Variants in CYP3A43 observed in about 807,000 individuals in gnomAD.
CYP3A43 encodes cytochrome P450 3A43.
In CYP3A43, 45 loss-of-function variants were observed where a neutral mutation model predicts 58.0. The observed-to-expected ratio is 0.78, with a 90% confidence interval of 0.61 to 0.99. The LOEUF is 0.99. Among genes scored for constraint, CYP3A43 ranks in the 50% least tolerant of loss-of-function variants. CYP3A43 has a pLI of 0.00. For missense variants in CYP3A43, 593 were observed against 591.9 expected, an observed-to-expected ratio of 1.00 and a Z score of -0.02; for synonymous variants, 191 against 201.4, an observed-to-expected ratio of 0.95 and a Z score of 0.44.
At chr7:99,864,351 T>C (rs927738113) in intron 12 of CYP3A43, among the ~76,000 whole-genome samples, 2 of 148,934 alleles carry the variant, frequency 1.3e-5, no homozygotes, top group Non-Finnish European at 2.9e-5. Context: ...GGAGCACTGC[T>C]TCGCTGCTTC....
At chr7:99,844,957 T>C (rs1014955034) in intron 4 of CYP3A43, among the ~76,000 whole-genome samples, 2 of 151,708 alleles carry the variant, frequency 1.3e-5, no homozygotes, top group East Asian at 1.9e-4. Context: ...TAGTCCCAGC[T>C]ACTCGGGAGG....
At chr7:99,832,862 G>A (rs1816904884) in intron 1 of CYP3A43, among the ~76,000 whole-genome samples, 1 of 152,130 alleles carries the variant, frequency 6.6e-6, no homozygotes, top group Admixed American at 6.5e-5. Flanking sequence ...ATGGAGAACT[G>A]TGAGTCAATT....
At chr7:99,836,200 CT>C (rs2151592135) in intron 1 of CYP3A43, among the ~76,000 whole-genome samples, 1 of 152,290 alleles carries the variant, frequency 6.6e-6, no homozygotes, top group African/African-American at 2.4e-5. Context: ...AGGCTCAGTC[CT>C]TTGGATGTTA....
intron 1 of CYP3A43, among the ~76,000 whole-genome samples, chr7:99,829,318 A>G (rs947042160): frequency 6.6e-6 from 1 of 152,224 alleles, no homozygotes; most frequent in Non-Finnish European, 1.5e-5. Context: ...TGGGCCAAAT[A>G]TGAGTGACCA....
At chr7:99,829,487 A>G (rs1816754504) in intron 1 of CYP3A43, among the ~76,000 whole-genome samples, 1 of 152,176 alleles carries the variant, frequency 6.6e-6, no homozygotes, top group Admixed American at 6.5e-5. Flanking sequence ...TTTTTGCAGA[A>G]TTCTTTGTGA....
chr7:99,862,230 A>G (rs1032627887), intron 11 of CYP3A43, among the ~76,000 whole-genome samples: 8 of 152,208 alleles, frequency 5.3e-5, no homozygotes, highest in Admixed American at 5.2e-4. Context: ...TGAGTATATA[A>G]GCTTGTTATT....
intron 7 of CYP3A43, among the ~76,000 whole-genome samples, chr7:99,855,195 G>A (rs916399503): frequency 1.3e-5 from 2 of 152,148 alleles, no homozygotes; most frequent in East Asian, 1.9e-4. Context: ...GGTAGTTGAA[G>A]GACATTTGCC....
intron 3 of CYP3A43, chr7:99,839,388 A>G: frequency 1.4e-6 from 1 of 705,612 alleles, no homozygotes; most frequent in South Asian, 1.5e-5. Flanking sequence ...CATATTCAGT[A>G]TGTGAACAAA....
intron 9 of CYP3A43, 74 bp downstream of exon 9, chr7:99,856,973 A>G (rs891914441): frequency 2.0e-6 from 3 of 1,501,968 alleles, no homozygotes; most frequent in African/African-American, 2.8e-5. Context: ...AAATGTGCAG[A>G]AAGTTTTCCA....
rs116373543 is a variant in CYP3A43, at chr7:99,859,733, C to T, written c.866-97C>T. ...TCTGAATTGCTTTTCTATTTTTGCT[C>T]TTAGGGATTTGGGAGCTTCACTGGA... On this transcript the variant is annotated intron_variant, in intron 9 of 12. Transcript: ENST00000354829. The T allele has an allele frequency of 1.9e-3, 2,857 of 1,505,372 alleles. 46 individuals carry two copies. In the African/African-American group the frequency reaches 0.032, roughly 17 times the overall value. 93.3% of individuals were successfully genotyped at this position (1,505,372 alleles called of 1,614,324 possible).
intron 1 of CYP3A43, among the ~76,000 whole-genome samples, chr7:99,829,594 G>A (rs1211553473): frequency 6.6e-6 from 1 of 152,138 alleles, no homozygotes; most frequent in Non-Finnish European, 1.5e-5. Context: ...GATCACCATT[G>A]CCTACCTCTA....
At chr7:99,853,847 C>A (rs1479619373) in intron 7 of CYP3A43, among the ~76,000 whole-genome samples, 1 of 152,176 alleles carries the variant, frequency 6.6e-6, no homozygotes, top group African/African-American at 2.4e-5. Context: ...TGAGCCACCG[C>A]GCCCAGCCTT....
chr7:99,861,863 C>A (rs749300120), intron 11 of CYP3A43, 24 bp downstream of exon 11: 61 of 1,586,072 alleles, frequency 3.8e-5, no homozygotes, highest in Non-Finnish European at 4.5e-5. Context: ...GGGAAAGGAG[C>A]CTTCCCTCAA....
At chr7:99,841,136 C>CGA (rs1817314558) in intron 3 of CYP3A43, among the ~76,000 whole-genome samples, 1 of 152,152 alleles carries the variant, frequency 6.6e-6, no homozygotes, top group African/African-American at 2.4e-5. Context: ...TGTGGCTTTT[C>CGA]ATTTTGGAAT....
At position 99,855,699 on chromosome 7, in the gene CYP3A43, G is replaced by A. The variant is rs757997414; in HGVS notation, c.779G>A (p.Arg260His). The A allele has an allele frequency of 1.4e-5, 22 of 1,609,370 alleles. No homozygotes were observed. The highest frequency in any genetic ancestry group is 6.7e-5 in the East Asian group (3 of 44,744). Residue 260 changes from arginine to histidine, a missense_variant, in exon 8 of 13, where the codon CGC (arginine) becomes CAC (histidine). Arg to His is a conservative substitution (Grantham distance 29). Transcript: ENST00000354829. ...KNSIERMKES[R>H]LKDKQKHRVD... ...TCCATTGAAAGGATGAAAGAAAGTC[G>A]CCTCAAAGATAAACAAAAGGTAAAA...
intron 1 of CYP3A43, among the ~76,000 whole-genome samples, chr7:99,834,448 G>T (rs796948474): frequency 7.9e-5 from 12 of 152,140 alleles, no homozygotes; most frequent in Admixed American, 2.6e-4. Flanking sequence ...TATCCTAAGA[G>T]TTCCCCTGGC....
At chr7:99,859,757 G>A in intron 9 of CYP3A43, 73 bp from the exon 10 acceptor site, 1 of 1,583,598 alleles carries the variant, frequency 6.3e-7, no homozygotes, top group Non-Finnish European at 8.6e-7. Context: ...AGCTTCACTG[G>A]AATTTTGCTT....
chr7:99,865,318 A>G (rs932899883), intron 12 of CYP3A43, among the ~76,000 whole-genome samples: 1 of 148,582 alleles, frequency 6.7e-6, no homozygotes, highest in Admixed American at 6.6e-5. Flanking sequence ...TCAAAACACT[A>G]TAGGCCTTGA....
At chr7:99,854,247 A>G (rs1817886936) in intron 7 of CYP3A43, among the ~76,000 whole-genome samples, 1 of 140,468 alleles carries the variant, frequency 7.1e-6, no homozygotes, top group African/African-American at 2.8e-5. Context: ...TTTTTTTGAG[A>G]CAGAGTCTCA....
Sources: gnomAD v4.1 joint callset for allele counts (sites outside exome capture counted in the v4.1 genomes callset) on GRCh38, gnomAD v4.1.1 for gene constraint, MANE v1.5 for transcripts, NCBI Gene and HGNC (gene_info 2026-07-23, HGNC 2026-07-21) for gene names.